ARMH4: variants seen among roughly 807,000 people sequenced by gnomAD.
ARMH4 encodes armadillo-like helical domain-containing protein 4.
A neutral mutation model predicts 61.9 loss-of-function variants in ARMH4; 49 were observed. The observed-to-expected ratio is 0.79, with a 90% CI of 0.63 to 1.00. The LOEUF (loss-of-function observed/expected upper bound fraction) is 1.00, where lower values mean the gene tolerates loss of function less well. Among genes scored for constraint, ARMH4 ranks in the 50% least tolerant of loss-of-function variants. The pLI is 0.00. For missense variants in ARMH4, 934 were observed against 930.0 expected (o/e 1.00, Z -0.06); for synonymous variants, 368 against 341.5 (o/e 1.08, Z -0.85).
Position 58,096,826 on chromosome 14 carries a change from ATG to A in ARMH4, c.1985_1986del (p.Thr662IlefsTer74). 6.2e-7 allele frequency: 1 copy of A among 1,614,074 alleles called. No homozygotes were observed. On this transcript the variant is annotated frameshift_variant, in exon 5 of 8. Coordinates refer to ENST00000267485, the MANE Select transcript of ARMH4 (RefSeq NM_001001872.4). LOFTEE classifies it high-confidence loss of function. ...ELPGFTLPGITSQEPGLEEGN... is the reference protein window; with the variant it reads ...ELPGFTLPGIXSQEPGLEEGN... Reference sequence around the variant, plus strand: ...CCCTCCTCTAAGCCTGGTTCCTGGGATGTGATACCAGGGAGGGTAAAACCTGG... The same window carrying A: ...CCCTCCTCTAAGCCTGGTTCCTGGGATGATACCAGGGAGGGTAAAACCTGG...
intron 2 of ARMH4, among the ~76,000 whole-genome samples, chr14:58,134,674 A>C (rs1408238309): frequency 6.6e-6 from 1 of 152,050 alleles, no homozygotes; most frequent in East Asian, 1.9e-4. Context: ...TATTAATGAC[A>C]GGCCAGGCAC....
At chr14:58,086,540 C>A (rs943030325) in intron 5 of ARMH4, among the ~76,000 whole-genome samples, 1 of 152,084 alleles carries the variant, frequency 6.6e-6, no homozygotes, top group African/African-American at 2.4e-5. Context: ...ACAAATTAAC[C>A]TTATGTTATC....
rs894230561 is a variant in ARMH4, at chr14:58,056,349, C to A, written c.2089+40375G>T. On this transcript the variant is annotated intron_variant, in intron 5 of 7. Coordinates refer to ENST00000267485, the MANE Select transcript of ARMH4 (RefSeq NM_001001872.4). ...ATTCACCAACCAACCAATCAACCAACTTACATATACTGTTTGATCTTCTTC... is the reference window on the plus strand; with the variant it reads ...ATTCACCAACCAACCAATCAACCAAATTACATATACTGTTTGATCTTCTTC... 2.0e-5 allele frequency among the ~76,000 whole-genome samples: 3 copies of A among 152,230 alleles called. No individual in the cohort carries two copies. The South Asian group carries it at 6.2e-4, about 32-fold the overall frequency.
At position 58,138,861 on chromosome 14, in the gene ARMH4, G is replaced by C. The variant is rs767440643; in HGVS notation, c.498C>G (p.Ser166Arg). ...TVDEKEELLT[S>R]TNFQPIVEEI... ...CTTCTACAATGGGCTGAAAGTTAGT[G>C]CTTGTAAGGAGTTCCTCCTTTTCAT... The change falls in exon 2 of 8, where the codon AGC becomes AGG. Residue 166 changes from serine to arginine, a missense_variant. Transcript: ENST00000267485. The C allele has an allele frequency of 1.8e-5, 29 of 1,614,098 alleles. No individual in the cohort carries two copies. The highest frequency in any genetic ancestry group is 2.2e-5 in the Non-Finnish European group (26 of 1,180,032).
rs957405166 is a variant in ARMH4, at chr14:58,001,443, T to C, written c.*3293A>G. The C allele has an allele frequency of 6.6e-6, 1 of 152,234 alleles. No individual in the cohort carries two copies. The highest frequency in any genetic ancestry group is 2.4e-5 in the African/African-American group (1 of 41,462). The allele number at this position is 152,234 out of a possible 1,614,324, so 9.4% of individuals were successfully genotyped here. ...GCCCAGAAGTGGGATAGTTGGATTATATAGTAGTTCTATCTTAATTTTTTG... is the reference window on the plus strand; with the variant it reads ...GCCCAGAAGTGGGATAGTTGGATTACATAGTAGTTCTATCTTAATTTTTTG... On this transcript the variant is annotated 3_prime_UTR_variant, in exon 8 of 8. Transcript: ENST00000267485.
chr14:58,018,444 G>A (rs1168169352), intron 5 of ARMH4, among the ~76,000 whole-genome samples: 2 of 147,276 alleles, frequency 1.4e-5, no homozygotes, highest in African/African-American at 5.0e-5. Context: ...ACAAATATGG[G>A]GGAAGGACTG....
intron 4 of ARMH4, among the ~76,000 whole-genome samples, chr14:58,108,817 A>C (rs896518704): frequency 3.3e-5 from 5 of 152,238 alleles, no homozygotes; most frequent in Non-Finnish European, 5.9e-5. Context: ...ATGTCTAGAT[A>C]AATGTCCCTA....
intron 4 of ARMH4, among the ~76,000 whole-genome samples, 198 bp from the exon 5 acceptor site, chr14:58,097,179 C>T (rs1396106794): frequency 6.6e-6 from 1 of 152,160 alleles, no homozygotes; most frequent in African/African-American, 2.4e-5. Flanking sequence ...ACTTTCAAAA[C>T]CATAGTTATG....
rs144098428 is a variant in ARMH4 at position 58,139,218 on chromosome 14, G to A, written c.141C>T (p.Ser47=). ...CTAGGTCATCGGTGTTCATCTTATC[G>A]GACTGCCCTTTTTCCGCATGAACAT... The part of the protein sequence containing the change: ...IAHVHAEKGQ[S]DKMNTDDLEN... Residue 47 remains serine, a synonymous_variant, in exon 2 of 8, where the codon TCC becomes TCT. Transcript: ENST00000267485. The A allele has an allele frequency of 6.3e-5, 102 of 1,614,146 alleles. No homozygotes were observed. In the African/African-American group the frequency reaches 7.9e-4, roughly 12 times the overall value.
intron 5 of ARMH4, among the ~76,000 whole-genome samples, chr14:58,015,493 G>C (rs1882578176): frequency 6.6e-6 from 1 of 152,134 alleles, no homozygotes; most frequent in South Asian, 2.1e-4. Context: ...GTATCCGCCA[G>C]GGTCCTCTGC....
intron 5 of ARMH4, among the ~76,000 whole-genome samples, chr14:58,090,345 C>T (rs1221003875): frequency 6.6e-6 from 1 of 152,072 alleles, no homozygotes; most frequent in Non-Finnish European, 1.5e-5. Flanking sequence ...TCATGGGATT[C>T]TTAGAGGATA....
At chr14:58,060,829 A>T (rs178494) in intron 5 of ARMH4, among the ~76,000 whole-genome samples, 1 of 151,954 alleles carries the variant, frequency 6.6e-6, no homozygotes, top group Non-Finnish European at 1.5e-5. Flanking sequence ...AAAGGGAAGA[A>T]GTTTTTAGAG....
chr14:58,147,240 G>T (rs10134128), intron 1 of ARMH4, among the ~76,000 whole-genome samples: 13,007 of 151,158 alleles, frequency 0.086, 832 homozygotes, highest in African/African-American at 0.18. Context: ...TCATTGGATA[G>T]TTATTTTAAA....
chr14:58,016,918 C>T (rs563233523), intron 5 of ARMH4, among the ~76,000 whole-genome samples: 1 of 152,298 alleles, frequency 6.6e-6, no homozygotes, highest in African/African-American at 2.4e-5. Flanking sequence ...AGATCAGGAA[C>T]AAGACAAGGA....
chr14:58,150,044 A>T (rs1256998032), intron 1 of ARMH4, among the ~76,000 whole-genome samples: 2 of 152,340 alleles, frequency 1.3e-5, no homozygotes, highest in East Asian at 3.9e-4. Context: ...CTGTCTGCAG[A>T]ATCCTATCCT....
intron 1 of ARMH4, among the ~76,000 whole-genome samples, chr14:58,148,990 A>G (rs1887838306): frequency 6.6e-6 from 1 of 152,142 alleles, no homozygotes; most frequent in Non-Finnish European, 1.5e-5. Flanking sequence ...GATGAGGGGG[A>G]TAGTGTCTTA....
At chr14:58,148,817 C>A (rs1240858129) in intron 1 of ARMH4, among the ~76,000 whole-genome samples, 2 of 150,860 alleles carry the variant, frequency 1.3e-5, no homozygotes, top group Non-Finnish European at 2.9e-5. Context: ...GTTCTCATTT[C>A]TGCTATATTT....
chr14:58,019,488 G>T (rs1882737031), intron 5 of ARMH4, among the ~76,000 whole-genome samples: 1 of 152,154 alleles, frequency 6.6e-6, no homozygotes, highest in South Asian at 2.1e-4. Context: ...ACCCTCTTGT[G>T]TATACGAGTC....
At chr14:58,148,151 A>G (rs540060831) in intron 1 of ARMH4, among the ~76,000 whole-genome samples, 7 of 152,070 alleles carry the variant, frequency 4.6e-5, no homozygotes, top group Non-Finnish European at 7.4e-5. Context: ...GGTTCAAGCA[A>G]TTCTCCTGCC....
Sources: allele counts gnomAD v4.1 joint callset (sites outside exome capture counted in the v4.1 genomes callset), GRCh38; gene constraint gnomAD v4.1.1; transcripts MANE v1.5; gene names NCBI Gene and HGNC (gene_info 2026-07-23, HGNC 2026-07-21).